The following RNLS variants were observed in gnomAD, a reference collection of about 807,000 sequenced individuals.
The protein encoded by RNLS is renalase.
A neutral mutation model predicts 39.8 loss-of-function variants in RNLS; 39 were observed. The ratio of observed to expected loss-of-function variants is 0.98; its 90% CI spans 0.76 to 1.28. The LOEUF (loss-of-function observed/expected upper bound fraction) is 1.28, where lower values mean the gene tolerates loss of function less well. RNLS is among the 50% of genes most tolerant of loss of function. The pLI is 0.00. For synonymous variants in RNLS, 147 were observed against 150.7 expected, an observed-to-expected ratio of 0.98 and a Z score of 0.18; for missense variants, 410 against 413.3, an observed-to-expected ratio of 0.99 and a Z score of 0.07.
At chr10:88,544,973 G>A (rs1321883571) in intron 4 of RNLS, among the ~76,000 whole-genome samples, 3 of 151,994 alleles carry the variant, frequency 2.0e-5, no homozygotes, top group South Asian at 2.1e-4. Context: ...CCCATGTACC[G>A]CTGGGATAAT....
intron 4 of RNLS, among the ~76,000 whole-genome samples, chr10:88,511,966 C>T (rs1459219831): frequency 6.6e-6 from 1 of 152,074 alleles, no homozygotes; most frequent in Non-Finnish European, 1.5e-5. Context: ...AAACAAACTG[C>T]TATTGTGGAT....
At chr10:88,194,724 A>G in the RNLS span, among the ~76,000 whole-genome samples, 1 of 152,226 alleles carries the variant, frequency 6.6e-6, no homozygotes, top group Non-Finnish European at 1.5e-5. Context: ...CTGTATTGAA[A>G]TCTGGATTTT....
chr10:88,406,800 A>T (rs1853302674), intron 4 of RNLS, among the ~76,000 whole-genome samples: 1 of 152,128 alleles, frequency 6.6e-6, no homozygotes, highest in Admixed American at 6.6e-5. Flanking sequence ...TCATGAAACC[A>T]ACCCAAATCC....
intron 6 of RNLS, among the ~76,000 whole-genome samples, chr10:88,299,847 T>A (rs1361727472): frequency 6.6e-6 from 1 of 152,222 alleles, no homozygotes; most frequent in Non-Finnish European, 1.5e-5. Flanking sequence ...ATAGGAACAT[T>A]GATTTCCTCA....
intron 5 of RNLS, among the ~76,000 whole-genome samples, chr10:88,346,752 A>C (rs142428449): frequency 6.6e-6 from 1 of 152,166 alleles, no homozygotes; most frequent in African/African-American, 2.4e-5. Context: ...TTATGCCGTG[A>C]TGTTAGTGTC....
At chr10:88,519,337 A>G (rs1308958919) in intron 4 of RNLS, among the ~76,000 whole-genome samples, 2 of 151,928 alleles carry the variant, frequency 1.3e-5, no homozygotes, top group Non-Finnish European at 2.9e-5. Flanking sequence ...TCCCACATGT[A>G]ATCTCATTTA....
At chr10:88,573,414 AT>A (rs1849973001) in intron 3 of RNLS, among the ~76,000 whole-genome samples, 1 of 152,252 alleles carries the variant, frequency 6.6e-6, no homozygotes, top group East Asian at 1.9e-4. Flanking sequence ...AGATTGAGAA[AT>A]AGCATGCCAT....
At chr10:88,202,507 C>T in the RNLS span, among the ~76,000 whole-genome samples, 5 of 152,282 alleles carry the variant, frequency 3.3e-5, no homozygotes, top group South Asian at 1.0e-3. Context: ...TACCAGCCCT[C>T]CATGGCAGAG....
At chr10:88,256,952 CTT>C in the RNLS span, among the ~76,000 whole-genome samples, 1 of 151,928 alleles carries the variant, frequency 6.6e-6, no homozygotes, top group Admixed American at 6.6e-5. Flanking sequence ...ATATTTTAGG[CTT>C]GTTTCAAGAC....
intron 4 of RNLS, among the ~76,000 whole-genome samples, chr10:88,514,988 C>T (rs1846333656): frequency 6.6e-6 from 1 of 152,020 alleles, no homozygotes; most frequent in South Asian, 2.1e-4. Flanking sequence ...GCTGTTCATT[C>T]TACATTCTTA....
chr10:88,245,349 T>G, the RNLS span, among the ~76,000 whole-genome samples: 13 of 152,322 alleles, frequency 8.5e-5, no homozygotes, highest in South Asian at 2.5e-3. Flanking sequence ...ATTAAGGCGC[T>G]GGCAGGGAGA....
At chr10:88,318,168 C>T (rs1173017219) in intron 5 of RNLS, among the ~76,000 whole-genome samples, 1 of 152,188 alleles carries the variant, frequency 6.6e-6, no homozygotes, top group South Asian at 2.1e-4. Flanking sequence ...CACCACACCA[C>T]GAGATTCCCC....
At position 88,370,563 on chromosome 10, in the gene RNLS, T is replaced by C. The variant is rs116790380; in HGVS notation, c.527-7838A>G. ...TAAGTTCTGATCAAGGAAACAGCTC[T>C]TGATTTAGTTATTACCTTTATTTTT... is the stretch of plus-strand genomic sequence containing the variant. On this transcript the variant is annotated intron_variant, in intron 4 of 6. Transcript: ENST00000331772. Among the ~76,000 whole-genome samples the C allele has an allele frequency of 2.3e-3, 354 of 152,308 alleles. 4 individuals are homozygous for C. Among genetic ancestry groups the C allele is most frequent in the African/African-American group, 7.1e-3 (295 of 41,574 alleles).
chr10:88,447,388 A>G (rs1362708373), intron 4 of RNLS, among the ~76,000 whole-genome samples: 4 of 152,230 alleles, frequency 2.6e-5, no homozygotes, highest in Admixed American at 2.0e-4. Context: ...GAGCCAAAGC[A>G]TGAATGAACT....
intron 1 of RNLS, 54 bp downstream of exon 1, chr10:88,583,019 A>T: frequency 6.3e-7 from 1 of 1,584,066 alleles, no homozygotes; most frequent in Non-Finnish European, 8.6e-7. Context: ...ACACCACCTC[A>T]GCAGCCTGCC....
intron 4 of RNLS, among the ~76,000 whole-genome samples, chr10:88,397,670 C>T (rs1393080417): frequency 6.6e-6 from 1 of 151,884 alleles, no homozygotes; most frequent in Non-Finnish European, 1.5e-5. Context: ...ATCAATGATT[C>T]ATAGATCCAA....
the RNLS span, among the ~76,000 whole-genome samples, chr10:88,200,797 A>T: frequency 6.6e-6 from 1 of 152,044 alleles, no homozygotes; most frequent in Admixed American, 6.6e-5. Context: ...GTAGACTGCA[A>T]GGGTCACTCT....
At chr10:88,181,400 G>A in the RNLS span, among the ~76,000 whole-genome samples, 1 of 152,166 alleles carries the variant, frequency 6.6e-6, no homozygotes, top group African/African-American at 2.4e-5. Context: ...ACTTGAAGCA[G>A]AGAACCCAGA....
chr10:88,521,274 G>A (rs1846712147), intron 4 of RNLS, among the ~76,000 whole-genome samples: 1 of 152,016 alleles, frequency 6.6e-6, no homozygotes, highest in African/African-American at 2.4e-5. Context: ...CCCTGATAAA[G>A]ACTATGCTTT....
Sources: gnomAD v4.1 joint callset for allele counts (sites outside exome capture counted in the v4.1 genomes callset) on GRCh38, gnomAD v4.1.1 for gene constraint, MANE v1.5 for transcripts, NCBI Gene and HGNC (gene_info 2026-07-23, HGNC 2026-07-21) for gene names.